The following ZNF879 variants were observed in gnomAD, a reference collection of about 807,000 sequenced individuals.
ZNF879 encodes the protein zinc finger protein 879.
A neutral mutation model predicts 44.3 loss-of-function variants in ZNF879; 32 were observed. The ratio of observed to expected loss-of-function variants is 0.72; its 90% confidence interval spans 0.54 to 0.97. The LOEUF (loss-of-function observed/expected upper bound fraction) is 0.97, where lower values mean the gene tolerates loss of function less well. Ranked by LOEUF, ZNF879 falls within the 50% of genes least tolerant of loss-of-function variation. The pLI, the probability that ZNF879 is intolerant of heterozygous loss-of-function variation, is 0.00. For synonymous variants in ZNF879, 234 were observed against 233.2 expected (o/e 1.00, Z -0.03); for missense variants, 621 against 669.7 (o/e 0.93, Z 0.80).
At position 179,027,548 on chromosome 5, in the gene ZNF879, G is replaced by A. The variant is rs1761304066; in HGVS notation, c.109G>A (p.Ala37Thr). Residue 37 changes from alanine (A) to threonine (T), a missense_variant, in exon 3 of 5, where the codon GCC becomes ACC. By Grantham distance (58) the Ala-to-Thr change is moderately conservative. Transcript: ENST00000444149. ...GTTGCACCTGGACTCTGCCCAGAGA[G>A]CCTTGTACCGGGAGGTGATGCTGGA... The part of the protein sequence containing the change: ...EWLHLDSAQR[A>T]LYREVMLENY... The A allele has an allele frequency of 1.9e-6, 3 of 1,614,166 alleles. No individual in the cohort carries two copies. Among genetic ancestry groups the A allele is most frequent in the African/African-American group, 2.7e-5 (2 of 75,042 alleles).
chr5:179,027,357 A>AAAGTTGTCC, intron 2 of ZNF879, 116 bp from the exon 3 acceptor site: 1 of 1,444,146 alleles, frequency 6.9e-7, no homozygotes, highest in Non-Finnish European at 9.4e-7. Flanking sequence ...TGGTAACTGA[A>AAAGTTGTCC]AAGTTGTCCA....
In ZNF879 at chr5:179,033,942, A is replaced by G. The variant is rs1215499261; in HGVS notation, c.*302A>G. The G allele has an allele frequency of 2.3e-5, 5 of 219,246 alleles. No homozygotes were observed. The highest frequency in any genetic ancestry group is 9.1e-5 in the African/African-American group (4 of 43,820). 13.6% of individuals were successfully genotyped at this position (219,246 alleles called of 1,614,324 possible). A position where few individuals can be genotyped will look rare whatever the true frequency, so the allele number is the denominator to read the frequency against. ...ATAACAGCCACCAGCTTTCCTGAGCATCACTGGGAAGCCTGCTGTTTATGT... is the reference window on the plus strand; with the variant it reads ...ATAACAGCCACCAGCTTTCCTGAGCGTCACTGGGAAGCCTGCTGTTTATGT... On this transcript the variant is annotated 3_prime_UTR_variant, in exon 5 of 5. Coordinates refer to ENST00000444149, the MANE Select transcript of ZNF879 (RefSeq NM_001136116.3).
At chr5:179,028,678 T>C (rs1761338159) in intron 4 of ZNF879, among the ~76,000 whole-genome samples, 2 of 152,200 alleles carry the variant, frequency 1.3e-5, no homozygotes, top group Non-Finnish European at 1.5e-5. Context: ...CGGATACTCA[T>C]CACGCTATTC....
Position 179,033,183 on chromosome 5 carries a change from G to T in ZNF879, c.1235G>T (p.Ser412Ile). Residue 412 changes from serine (S) to isoleucine (I), a missense_variant, in exon 5 of 5, where the codon AGC becomes ATC. Physicochemically the swap from Ser to Ile is moderately radical, Grantham distance 142 (BLOSUM62 -2). Coordinates refer to ENST00000444149, the MANE Select transcript of ZNF879 (RefSeq NM_001136116.3). The stretch of plus-strand genomic sequence containing the variant: ...GAATGTGGGAAAGCCTTCAGCCAAA[G>T]CTCAGCTCTCATACAACATCAAAGA... ...CKECGKAFSQ[S>I]SALIQHQRIH... 6.3e-7 allele frequency: 1 copy of T among 1,594,402 alleles called. No individual in the cohort carries two copies. Among genetic ancestry groups the T allele is most frequent in the Non-Finnish European group, 8.5e-7 (1 of 1,170,098 alleles).
intron 3 of ZNF879, 33 bp from the exon 4 acceptor site, chr5:179,027,999 G>A (rs886594589): frequency 6.5e-7 from 1 of 1,543,162 alleles, no homozygotes; most frequent in Non-Finnish European, 8.8e-7. Context: ...CTGCTACGAT[G>A]GCCGCTCACG....
rs1026413722 is a variant in ZNF879, at chr5:179,033,915, C to T, written c.*275C>T. On this transcript the variant is annotated 3_prime_UTR_variant, in exon 5 of 5. Transcript: ENST00000444149. ...TAGTATTTGATTGTCTAGTGATGTA[C>T]GATAACAGCCACCAGCTTTCCTGAG... The T allele has an allele frequency of 3.2e-5, 8 of 251,072 alleles. No individual in the cohort carries two copies. Among genetic ancestry groups the T allele is most frequent in the South Asian group, 2.6e-4 (2 of 7,834 alleles). 15.6% of individuals were successfully genotyped at this position (251,072 alleles called of 1,614,324 possible). A position where few individuals can be genotyped will look rare whatever the true frequency, so the allele number is the denominator to read the frequency against.
Position 179,032,582 on chromosome 5 carries a change from A to C in ZNF879, c.634A>C (p.Ile212Leu), listed in dbSNP as rs945297916. 6.4e-7 allele frequency: 1 copy of C among 1,554,360 alleles called. No individual in the cohort carries two copies. The highest frequency in any genetic ancestry group is 2.0e-5 in the Admixed American group (1 of 51,092). ...KCYKCNICGK[I>L]FLHSSSLSKH... The stretch of plus-strand genomic sequence containing the variant: ...TTATAAATGTAATATCTGTGGGAAA[A>C]TCTTCCTCCACAGTTCCTCCCTGAG... The change falls in exon 5 of 5, where the codon ATC becomes CTC. Residue 212 changes from isoleucine (I) to leucine (L), a missense_variant. Coordinates refer to ENST00000444149, the MANE Select transcript of ZNF879 (RefSeq NM_001136116.3).
Position 179,033,168 on chromosome 5 carries a change from A to G in ZNF879, c.1220A>G (p.Lys407Arg). 1 of 1,593,332 alleles carries G rather than the reference A, an allele frequency of 6.3e-7. No homozygotes were observed. Among genetic ancestry groups the G allele is most frequent in the Non-Finnish European group, 8.6e-7 (1 of 1,169,498 alleles). The stretch of plus-strand genomic sequence containing the variant: ...CCATATGCATGCAAAGAATGTGGGA[A>G]AGCCTTCAGCCAAAGCTCAGCTCTC... ...EKPYACKECG[K>R]AFSQSSALIQ... The change falls in exon 5 of 5, where the codon AAA (lysine) becomes AGA (arginine). Residue 407 changes from lysine (K) to arginine (R), a missense_variant. Transcript: ENST00000444149.
At chr5:179,028,818 G>T (rs1407990592) in intron 4 of ZNF879, among the ~76,000 whole-genome samples, 1 of 152,132 alleles carries the variant, frequency 6.6e-6, no homozygotes, top group Non-Finnish European at 1.5e-5. Context: ...TGTGAATTCT[G>T]TCTATGCTTC....
intron 4 of ZNF879, 150 bp from the exon 5 acceptor site, chr5:179,032,055 G>A: frequency 3.0e-6 from 2 of 660,314 alleles, no homozygotes; most frequent in South Asian, 2.2e-5. Context: ...CCACCCACAT[G>A]TCTGTCATCC....
intron 2 of ZNF879, among the ~76,000 whole-genome samples, chr5:179,026,203 A>G (rs562833661): frequency 4.6e-5 from 7 of 152,354 alleles, no homozygotes; most frequent in African/African-American, 1.4e-4. Flanking sequence ...AACAAAGTGC[A>G]AACAACCTAA....
At chr5:179,029,043 A>G (rs534770116) in intron 4 of ZNF879, among the ~76,000 whole-genome samples, 5 of 149,106 alleles carry the variant, frequency 3.4e-5, no homozygotes, top group Non-Finnish European at 4.4e-5. Flanking sequence ...GTCAAAAATC[A>G]GTTGTTTTTT....
At chr5:179,025,470 G>A (rs528133251) in intron 2 of ZNF879, among the ~76,000 whole-genome samples, 49 of 152,144 alleles carry the variant, frequency 3.2e-4, no homozygotes, top group Non-Finnish European at 6.2e-4. Flanking sequence ...GACTATGGGC[G>A]TGAGCCACCG....
At chr5:179,027,323 A>G in intron 2 of ZNF879, 150 bp from the exon 3 acceptor site, 1 of 1,121,138 alleles carries the variant, frequency 8.9e-7, no homozygotes, top group East Asian at 2.6e-5. Flanking sequence ...TTCACTCACC[A>G]TAGGTAAATG....
At chr5:179,029,086 G>T (rs887579930) in intron 4 of ZNF879, among the ~76,000 whole-genome samples, 1 of 146,934 alleles carries the variant, frequency 6.8e-6, no homozygotes, top group African/African-American at 2.5e-5. Flanking sequence ...TTTGGATCTA[G>T]AATTCTGGCA....
At chr5:179,032,140 G>C in intron 4 of ZNF879, 65 bp from the exon 5 acceptor site, 1 of 1,181,840 alleles carries the variant, frequency 8.5e-7, no homozygotes, top group Non-Finnish European at 1.2e-6. Context: ...CTATCCTTGT[G>C]CGTTTTTATG....
rs1159038373 is a variant in ZNF879, at chr5:179,027,395, A to G, written c.34-78A>G. On this transcript the variant is annotated intron_variant, in intron 2 of 4. Coordinates refer to ENST00000444149, the MANE Select transcript of ZNF879 (RefSeq NM_001136116.3). ...AACACTTGAAATACTTAGAACCCTA[A>G]GTTGTGACAGGGTTGCTTCTCAGTC... 3.8e-6 allele frequency: 6 copies of G among 1,569,720 alleles called. No homozygotes were observed. In the African/African-American group the frequency reaches 4.1e-5, roughly 11 times the overall value.
intron 2 of ZNF879, among the ~76,000 whole-genome samples, chr5:179,026,499 A>G (rs1157541250): frequency 2.6e-5 from 4 of 152,036 alleles, no homozygotes; most frequent in African/African-American, 7.2e-5. Flanking sequence ...TTTGTTTTTT[A>G]AGAGACAGGA....
At chr5:179,025,657 C>G (rs2113045142) in intron 2 of ZNF879, among the ~76,000 whole-genome samples, 1 of 152,218 alleles carries the variant, frequency 6.6e-6, no homozygotes, top group Non-Finnish European at 1.5e-5. Flanking sequence ...AAGAGAGGCC[C>G]TGTATTCCCA....
Sources: gnomAD v4.1 joint callset for allele counts (sites outside exome capture counted in the v4.1 genomes callset) on GRCh38, gnomAD v4.1.1 for gene constraint, MANE v1.5 for transcripts, NCBI Gene and HGNC (gene_info 2026-07-23, HGNC 2026-07-21) for gene names.